Variants in FAP observed in about 807,000 individuals in gnomAD.
FAP encodes the protein fibroblast activation protein alpha.
FAP carries 110 observed loss-of-function variants against 126.5 expected under a neutral mutation model. The observed-to-expected ratio is 0.87, with a 90% CI of 0.74 to 1.02. FAP has a LOEUF of 1.02. FAP is among the 50% of genes least tolerant of loss of function. The pLI is 0.00. For synonymous variants in FAP, 334 were observed against 297.3 expected (o/e 1.12, Z -1.27); for missense variants, 919 against 909.2 (o/e 1.01, Z -0.14).
At chr2:162,236,616 G>GT (rs1690143138) in intron 2 of FAP, among the ~76,000 whole-genome samples, 1 of 142,180 alleles carries the variant, frequency 7.0e-6, no homozygotes, top group African/African-American at 3.0e-5. Flanking sequence ...TTTGTTTTTG[G>GT]TGGGGGGGCA....
At chr2:162,178,899 A>G (rs1687583310) in intron 21 of FAP, among the ~76,000 whole-genome samples, 1 of 152,066 alleles carries the variant, frequency 6.6e-6, no homozygotes, top group Admixed American at 6.6e-5. Context: ...TCCATCTCCA[A>G]TTTCCCACAG....
intron 2 of FAP, among the ~76,000 whole-genome samples, chr2:162,233,844 G>A (rs1414874521): frequency 2.0e-5 from 3 of 152,086 alleles, no homozygotes; most frequent in Admixed American, 2.0e-4. Context: ...ATAGTTTTTA[G>A]CTCTTACATT....
intron 2 of FAP, among the ~76,000 whole-genome samples, chr2:162,229,691 G>T (rs1364068873): frequency 6.6e-6 from 1 of 152,194 alleles, no homozygotes; most frequent in East Asian, 1.9e-4. Context: ...TTCTCAAAAA[G>T]ATTCTAAGAA....
intron 15 of FAP, 100 bp downstream of exon 15, chr2:162,200,466 G>T (rs1397672725): frequency 3.0e-6 from 2 of 662,864 alleles, no homozygotes; most frequent in Non-Finnish European, 5.3e-6. Context: ...TTTTTATTAT[G>T]TGCCATACTT....
chr2:162,187,568 A>AAT (rs1687904497), intron 20 of FAP, among the ~76,000 whole-genome samples: 1 of 152,088 alleles, frequency 6.6e-6, no homozygotes, highest in African/African-American at 2.4e-5. Flanking sequence ...CATGGTTGAA[A>AAT]ATATATATAG....
intron 20 of FAP, among the ~76,000 whole-genome samples, chr2:162,185,240 GC>G (rs900855971): frequency 1.8e-4 from 28 of 152,248 alleles, no homozygotes; most frequent in Middle Eastern, 3.4e-3. Flanking sequence ...CATAAAGTTG[GC>G]CCAAGGCCAA....
intron 21 of FAP, among the ~76,000 whole-genome samples, chr2:162,179,479 G>T (rs1404595507): frequency 6.6e-6 from 1 of 152,026 alleles, no homozygotes; most frequent in East Asian, 1.9e-4. Context: ...CTAGCTTTGG[G>T]CTCAGAAACA....
At chr2:162,240,490 A>T (rs1690301887) in intron 2 of FAP, among the ~76,000 whole-genome samples, 1 of 152,204 alleles carries the variant, frequency 6.6e-6, no homozygotes, top group African/African-American at 2.4e-5. Flanking sequence ...TTGGGTGCAG[A>T]AAGCACTGGA....
At chr2:162,217,709 T>A (rs1267090687) in intron 9 of FAP, among the ~76,000 whole-genome samples, 1 of 152,134 alleles carries the variant, frequency 6.6e-6, no homozygotes, top group East Asian at 1.9e-4. Flanking sequence ...ATGAAAAAAA[T>A]TAAAATTAAG....
intron 20 of FAP, among the ~76,000 whole-genome samples, chr2:162,184,603 A>T (rs985357631): frequency 6.6e-6 from 1 of 152,228 alleles, no homozygotes; most frequent in Non-Finnish European, 1.5e-5. Context: ...ATTCTGAAGG[A>T]CACTGAGGAG....
At chr2:162,224,204 CTT>C (rs1491475034) in intron 5 of FAP, among the ~76,000 whole-genome samples, 2 of 152,014 alleles carry the variant, frequency 1.3e-5, no homozygotes, top group Non-Finnish European at 2.9e-5. Context: ...TCTTAAAGCT[CTT>C]TGTTTTCTTG....
rs146162333 is a variant in FAP at position 162,233,916 on chromosome 2, C to A, written c.92-7295G>T. ...TGGTGTGAGGAATTGGGTCCAACAT[C>A]TTTTTTTGCACATAGATATCCAATT... On this transcript the variant is annotated intron_variant, in intron 2 of 25. Coordinates refer to ENST00000188790, the MANE Select transcript of FAP (RefSeq NM_004460.5). Among the ~76,000 whole-genome samples, 397 of 152,186 alleles carry A rather than the reference C, an allele frequency of 2.6e-3. 2 individuals carry two copies. Among genetic ancestry groups the A allele is most frequent in the African/African-American group, 9.2e-3 (382 of 41,532 alleles).
At chr2:162,176,240 G>A (rs1194379170) in intron 21 of FAP, 1 of 152,110 alleles carries the variant, frequency 6.6e-6, no homozygotes, top group Non-Finnish European at 1.5e-5. Flanking sequence ...TTCATGAAAT[G>A]CATGGAATGG....
chr2:162,188,831 C>G (rs1022106489), intron 19 of FAP, among the ~76,000 whole-genome samples: 40 of 151,996 alleles, frequency 2.6e-4, no homozygotes, highest in African/African-American at 9.4e-4. Flanking sequence ...TGCAATTTCT[C>G]TATCTCAAAG....
At chr2:162,196,289 CA>C (rs1017571144) in intron 16 of FAP, among the ~76,000 whole-genome samples, 2 of 152,124 alleles carry the variant, frequency 1.3e-5, no homozygotes, top group African/African-American at 2.4e-5. Flanking sequence ...CCTCAAGACT[CA>C]AAACTTCCTG....
At chr2:162,194,622 G>T in intron 17 of FAP, 79 bp downstream of exon 17, 1 of 1,295,012 alleles carries the variant, frequency 7.7e-7, no homozygotes, top group Non-Finnish European at 1.1e-6. Flanking sequence ...TGGAGAAACT[G>T]TCCTGCTTTC....
chr2:162,224,691 A>G (rs968179536), intron 4 of FAP, 151 bp from the exon 5 acceptor site: 2 of 517,430 alleles, frequency 3.9e-6, no homozygotes, highest in Non-Finnish European at 6.7e-6. Flanking sequence ...GAACTTAACT[A>G]TAATTCAAAG....
At chr2:162,239,242 GC>G (rs936716896) in intron 2 of FAP, among the ~76,000 whole-genome samples, 1 of 151,602 alleles carries the variant, frequency 6.6e-6, no homozygotes, top group Non-Finnish European at 1.5e-5. Context: ...TCGCCATGTT[GC>G]CCAGCCTGGT....
intron 16 of FAP, 128 bp from the exon 17 acceptor site, chr2:162,194,876 T>G: frequency 1.3e-6 from 1 of 794,816 alleles, no homozygotes; most frequent in Admixed American, 2.0e-5. Flanking sequence ...GCAGCTATTT[T>G]TTTCCCCATA....
Sources: allele counts gnomAD v4.1 joint callset (sites outside exome capture counted in the v4.1 genomes callset), GRCh38; gene constraint gnomAD v4.1.1; transcripts MANE v1.5; gene names NCBI Gene and HGNC (gene_info 2026-07-23, HGNC 2026-07-21).